SLC25A24: variants seen among roughly 807,000 people sequenced by gnomAD.
SLC25A24 encodes the protein mitochondrial adenyl nucleotide antiporter SLC25A24.
SLC25A24 carries 49 observed loss-of-function variants against 60.7 expected under a neutral mutation model. The observed-to-expected ratio is 0.81, with a 90% CI of 0.64 to 1.02. The LOEUF (loss-of-function observed/expected upper bound fraction) is 1.02, where lower values mean the gene tolerates loss of function less well. Ranked by LOEUF, SLC25A24 falls within the 50% of genes least tolerant of loss-of-function variation. SLC25A24 has a pLI of 0.00. For synonymous variants in SLC25A24, 202 were observed against 200.6 expected (o/e 1.01, Z -0.06); for missense variants, 564 against 586.3 (o/e 0.96, Z 0.39).
At chr1:108,178,782 C>G (rs1235895241) in intron 3 of SLC25A24, among the ~76,000 whole-genome samples, 1 of 151,568 alleles carries the variant, frequency 6.6e-6, no homozygotes, top group Non-Finnish European at 1.5e-5. Context: ...CCACAGCACT[C>G]AAGCTCGAGG....
intron 2 of SLC25A24, 72 bp from the exon 3 acceptor site, chr1:108,182,100 ATC>A: frequency 9.7e-7 from 1 of 1,030,580 alleles, no homozygotes; most frequent in Non-Finnish European, 1.5e-6. Flanking sequence ...TGAATTTCAA[ATC>A]TCTCATTTAA....
chr1:108,192,397 T>C, intron 1 of SLC25A24: 1 of 858,630 alleles, frequency 1.2e-6, no homozygotes, highest in Non-Finnish European at 1.8e-6. Context: ...TGGGCCCAGG[T>C]CAAGCTTGAC....
intron 3 of SLC25A24, among the ~76,000 whole-genome samples, chr1:108,169,481 A>G (rs1647366822): frequency 6.6e-6 from 1 of 152,132 alleles, no homozygotes; most frequent in South Asian, 2.1e-4. Flanking sequence ...TGATTGTGGT[A>G]TATTTTTTAA....
At chr1:108,144,178 A>C (rs1490335538) in intron 7 of SLC25A24, among the ~76,000 whole-genome samples, 2 of 152,180 alleles carry the variant, frequency 1.3e-5, no homozygotes, top group Non-Finnish European at 2.9e-5. Context: ...CAATCATATT[A>C]AGATGCTTAA....
At chr1:108,155,947 CTAAA>C (rs1304855520) in intron 5 of SLC25A24, among the ~76,000 whole-genome samples, 2 of 113,820 alleles carry the variant, frequency 1.8e-5, no homozygotes, top group African/African-American at 7.7e-5. Flanking sequence ...GTGACTACCA[CTAAA>C]CACACACACA....
chr1:108,169,902 G>C (rs551462087), intron 3 of SLC25A24, among the ~76,000 whole-genome samples: 47 of 152,088 alleles, frequency 3.1e-4, no homozygotes, highest in South Asian at 6.2e-4. Flanking sequence ...ATTTATAACT[G>C]AACATGATTT....
At chr1:108,199,657 G>A in intron 1 of SLC25A24, 1 of 508,342 alleles carries the variant, frequency 2.0e-6, no homozygotes, top group Non-Finnish European at 3.4e-6. Context: ...AAGAACCTGG[G>A]ATGGATTCAG....
chr1:108,152,705 A>G (rs1679788482), intron 6 of SLC25A24, among the ~76,000 whole-genome samples: 1 of 151,820 alleles, frequency 6.6e-6, no homozygotes, highest in Admixed American at 6.5e-5. Flanking sequence ...CCAGTCTGTC[A>G]GTTCTGTCTT....
chr1:108,154,255 C>G (rs1679829727), intron 6 of SLC25A24, among the ~76,000 whole-genome samples: 1 of 151,916 alleles, frequency 6.6e-6, no homozygotes, highest in South Asian at 2.1e-4. Context: ...CCTTACAGTC[C>G]TTGATAAACA....
At chr1:108,186,086 C>T (rs1648117244) in intron 1 of SLC25A24, 132 bp from the exon 2 acceptor site, 2 of 558,124 alleles carry the variant, frequency 3.6e-6, no homozygotes. Context: ...GATGTATCAT[C>T]ATTCATTATC....
intron 3 of SLC25A24, among the ~76,000 whole-genome samples, chr1:108,165,064 C>T (rs1353284856): frequency 3.4e-5 from 5 of 145,804 alleles, no homozygotes; most frequent in African/African-American, 1.3e-4. Flanking sequence ...AGTAGTCATT[C>T]AGGAGCAGGT....
chr1:108,151,956 T>C (rs1325444326), intron 6 of SLC25A24, among the ~76,000 whole-genome samples: 7 of 152,194 alleles, frequency 4.6e-5, no homozygotes, highest in Non-Finnish European at 7.4e-5. Context: ...TCTCAGTTCA[T>C]TCCCTTCTCC....
At chr1:108,192,592 C>T (rs757449991) in intron 1 of SLC25A24, 3 of 1,498,568 alleles carry the variant, frequency 2.0e-6, no homozygotes, top group Non-Finnish European at 2.7e-6. Context: ...AGTCCAGGTA[C>T]CAAAAGAGAT....
intron 3 of SLC25A24, among the ~76,000 whole-genome samples, chr1:108,164,227 C>G (rs1422490659): frequency 6.6e-6 from 1 of 151,472 alleles, no homozygotes; most frequent in African/African-American, 2.5e-5. Context: ...CATCAATGTT[C>G]ATCAAGGATA....
intron 5 of SLC25A24, among the ~76,000 whole-genome samples, chr1:108,156,566 G>C (rs976996549): frequency 1.3e-5 from 2 of 152,132 alleles, no homozygotes; most frequent in African/African-American, 4.8e-5. Context: ...AACAGTGTCA[G>C]AATCTTTTTG....
intron 8 of SLC25A24, among the ~76,000 whole-genome samples, chr1:108,141,700 T>C (rs1015409298): frequency 6.6e-6 from 1 of 152,164 alleles, no homozygotes; most frequent in East Asian, 1.9e-4. Flanking sequence ...AAAAGTCCTG[T>C]TGTATGCTAT....
At position 108,136,741 on chromosome 1, in the gene SLC25A24, G is replaced by C. The variant is rs749266397; in HGVS notation, c.1346C>G (p.Pro449Arg). 3 of 1,613,936 alleles carry C rather than the reference G, an allele frequency of 1.9e-6. No homozygotes were observed. The African/African-American group carries it at 4.0e-5, about 22-fold the overall frequency. Residue 449 changes from proline (P) to arginine (R), a missense_variant, in exon 10 of 10, where the codon CCA becomes CGA. Pro to Arg is a moderately radical substitution (Grantham distance 103, BLOSUM62 -2). Coordinates refer to ENST00000565488, the MANE Select transcript of SLC25A24 (RefSeq NM_013386.5). The stretch of plus-strand genomic sequence containing the variant: ...AGCAGGGAGCACCTTCATGAAGTTT[G>C]GGGTGATGCCTCTGTAAAGTCCTGG... The part of the protein sequence containing the change: ...GIPGLYRGIT[P>R]NFMKVLPAVG...
chr1:108,174,460 C>A (rs971433682), intron 3 of SLC25A24, among the ~76,000 whole-genome samples: 1 of 152,218 alleles, frequency 6.6e-6, no homozygotes, highest in South Asian at 2.1e-4. Context: ...GATGTCCAGA[C>A]AGAAGTTTGC....
At chr1:108,162,673 C>T (rs923367188) in intron 3 of SLC25A24, among the ~76,000 whole-genome samples, 97 of 152,046 alleles carry the variant, frequency 6.4e-4, no homozygotes, top group African/African-American at 2.2e-3. Context: ...TGTTTGAGTT[C>T]ATTGTAGATT....
Sources: gnomAD v4.1 joint callset for allele counts (sites outside exome capture counted in the v4.1 genomes callset) on GRCh38, gnomAD v4.1.1 for gene constraint, MANE v1.5 for transcripts, NCBI Gene and HGNC (gene_info 2026-07-23, HGNC 2026-07-21) for gene names.